Variants in ABCA9 observed in about 807,000 individuals in gnomAD.
ABCA9 encodes ATP binding cassette subfamily A member 9, also known as ATP-binding cassette sub-family A member 9.
Under a neutral mutation model 205.3 loss-of-function variants are expected in ABCA9, and 183 were observed. The ratio of observed to expected loss-of-function variants is 0.89; its 90% CI spans 0.79 to 1.01. The LOEUF (loss-of-function observed/expected upper bound fraction) is 1.01. Among genes scored for constraint, ABCA9 ranks in the 50% least tolerant of loss-of-function variants. The pLI is 0.00. For synonymous variants in ABCA9, 651 were observed against 683.3 expected (o/e 0.95, Z 0.74); for missense variants, 1,805 against 1,912.4 (o/e 0.94, Z 1.05).
chr17:69,046,943 A>C (rs1468184865), intron 3 of ABCA9, among the ~76,000 whole-genome samples: 1 of 145,618 alleles, frequency 6.9e-6, no homozygotes, highest in African/African-American at 2.5e-5. Context: ...AATTTTATAT[A>C]TATATATATA....
rs763043006 is a variant in ABCA9, at chr17:69,016,282, T to C, written c.3010A>G (p.Ile1004Val). Residue 1004 changes from isoleucine to valine, a missense_variant, in exon 22 of 39, where the codon ATT becomes GTT. Transcript: ENST00000340001. Reference sequence around the variant, plus strand: ...AAAAATGTGCTTCTGTCAGTCTGAATGTGTTCTGACGAATTAAAAATTCCA... The same window carrying C: ...AAAAATGTGCTTCTGTCAGTCTGAACGTGTTCTGACGAATTAAAAATTCCA... Reference protein sequence around the residue: ...LLGIFNSSEHIQTDRSTFFEE... With the variant: ...LLGIFNSSEHVQTDRSTFFEE... The C allele has an allele frequency of 1.9e-6, 3 of 1,594,776 alleles. No homozygotes were observed. The highest frequency in any genetic ancestry group is 3.6e-5 in the Admixed American group (2 of 55,726).
At chr17:69,054,733 C>A (rs938353171) in intron 1 of ABCA9, among the ~76,000 whole-genome samples, 1 of 151,514 alleles carries the variant, frequency 6.6e-6, no homozygotes, top group Non-Finnish European at 1.5e-5. Context: ...ATATGTATTA[C>A]ATTCATATAT....
At chr17:69,014,389 C>T (rs974864060) in intron 22 of ABCA9, among the ~76,000 whole-genome samples, 2 of 152,072 alleles carry the variant, frequency 1.3e-5, no homozygotes, top group African/African-American at 2.4e-5. Flanking sequence ...AGACTTGGGT[C>T]CCATCCCCAA....
At chr17:69,074,098 G>A in the ABCA9 span, among the ~76,000 whole-genome samples, 3 of 151,998 alleles carry the variant, frequency 2.0e-5, no homozygotes, top group Non-Finnish European at 4.4e-5. Flanking sequence ...TCAAATAGAT[G>A]TTTTTATAGA....
Position 68,977,003 on chromosome 17 carries a change from T to C in ABCA9, c.4721-813A>G, listed in dbSNP as rs76591826. On this transcript the variant is annotated intron_variant, in intron 37 of 38. Transcript: ENST00000340001. ...ATTTTCTTTCTTCTTTCCTTGGACA[T>C]AGGACTAGTCCCTATCTTATATCTG... Among the ~76,000 whole-genome samples, 1,153 of 151,632 alleles carry C rather than the reference T, an allele frequency of 7.6e-3. 18 individuals are homozygous for C. The highest frequency in any genetic ancestry group is 0.026 in the African/African-American group (1,080 of 41,522).
intron 6 of ABCA9, among the ~76,000 whole-genome samples, chr17:69,036,310 A>C (rs1674833577): frequency 6.6e-6 from 1 of 152,216 alleles, no homozygotes; most frequent in Admixed American, 6.5e-5. Context: ...GTTTCAATAA[A>C]ATGTATTTAT....
At chr17:69,028,499 G>C (rs1226276975) in intron 12 of ABCA9, 36 bp downstream of exon 12, 2 of 1,397,474 alleles carry the variant, frequency 1.4e-6, no homozygotes, top group Admixed American at 1.8e-5. Flanking sequence ...TAATGTGTTT[G>C]TCCAGGTACT....
At chr17:69,026,659 A>G (rs918978633) in intron 15 of ABCA9, among the ~76,000 whole-genome samples, 192 bp from the exon 16 acceptor site, 9 of 152,180 alleles carry the variant, frequency 5.9e-5, no homozygotes, top group Non-Finnish European at 7.4e-5. Flanking sequence ...ATGTCAACTT[A>G]TTCTTTAGCG....
At chr17:69,035,852 CT>C in intron 6 of ABCA9, 51 bp from the exon 7 acceptor site, 1 of 1,559,556 alleles carries the variant, frequency 6.4e-7, no homozygotes. Context: ...TCATCACTTC[CT>C]TGATTCATTT....
chr17:68,975,118 C>T lies in ABCA9; in HGVS notation c.*797G>A, dbSNP rs1288881005. ...AACATGCGGTGTTTGGTTTTCTGTT[C>T]CTGTGTTAGTTTGCTGAGGATGATG... is the stretch of plus-strand genomic sequence containing the variant. On this transcript the variant is annotated 3_prime_UTR_variant, in exon 39 of 39. Coordinates refer to ENST00000340001, the MANE Select transcript of ABCA9 (RefSeq NM_080283.4). 1 of 151,972 alleles carries T rather than the reference C, an allele frequency of 6.6e-6. No individual in the cohort carries two copies. Among genetic ancestry groups the T allele is most frequent in the African/African-American group, 2.4e-5 (1 of 41,338 alleles). 9.4% of individuals were successfully genotyped at this position (151,972 alleles called of 1,614,324 possible). A position where few individuals can be genotyped will look rare whatever the true frequency, so the allele number is the denominator to read the frequency against.
At chr17:68,976,910 A>G (rs1273554357) in intron 37 of ABCA9, among the ~76,000 whole-genome samples, 3 of 152,240 alleles carry the variant, frequency 2.0e-5, no homozygotes, top group Non-Finnish European at 2.9e-5. Context: ...AAGAAGAGGA[A>G]GATAATGAAT....
intron 27 of ABCA9, 114 bp downstream of exon 27, chr17:68,992,902 T>A: frequency 2.5e-6 from 2 of 787,338 alleles, no homozygotes; most frequent in African/African-American, 2.1e-5. Context: ...TGTGTGTTGC[T>A]TCAAATGCCT....
At chr17:69,073,861 T>G in the ABCA9 span, among the ~76,000 whole-genome samples, 1 of 152,004 alleles carries the variant, frequency 6.6e-6, no homozygotes, top group Non-Finnish European at 1.5e-5. Context: ...CCGGCTAACT[T>G]TTACTTTTTT....
chr17:68,980,574 G>T (rs1322136647), intron 37 of ABCA9, among the ~76,000 whole-genome samples: 3 of 151,986 alleles, frequency 2.0e-5, no homozygotes, highest in East Asian at 1.9e-4. Flanking sequence ...AGAAAATGTG[G>T]CACATATACA....
At chr17:69,076,287 T>A in the ABCA9 span, among the ~76,000 whole-genome samples, 1 of 152,196 alleles carries the variant, frequency 6.6e-6, no homozygotes, top group African/African-American at 2.4e-5. Context: ...CATATGGTTT[T>A]ATTTTTAATT....
At chr17:68,985,216 G>A in intron 32 of ABCA9, 88 bp from the exon 33 acceptor site, 1 of 1,567,198 alleles carries the variant, frequency 6.4e-7, no homozygotes, top group Non-Finnish European at 8.8e-7. Flanking sequence ...ACGACGGTGG[G>A]GGAGGTGTTT....
chr17:69,061,832 A>G (rs760469573), upstream of ABCA9, among the ~76,000 whole-genome samples: 1 of 152,204 alleles, frequency 6.6e-6, no homozygotes, highest in Non-Finnish European at 1.5e-5. Flanking sequence ...GCTGAAGAAG[A>G]GGGGGGAAAG....
upstream of ABCA9, among the ~76,000 whole-genome samples, chr17:69,063,491 A>AG (rs2072304624): frequency 6.6e-6 from 1 of 152,176 alleles, no homozygotes; most frequent in African/African-American, 2.4e-5. Flanking sequence ...CTTGTTTTCC[A>AG]GGGGCTTTTA....
At chr17:69,007,175 G>C (rs139913236) in intron 25 of ABCA9, among the ~76,000 whole-genome samples, 216 of 152,208 alleles carry the variant, frequency 1.4e-3, no homozygotes, top group African/African-American at 4.9e-3. Flanking sequence ...CAGCACTTTG[G>C]GTGGGTCATG....
Sources: gnomAD v4.1 joint callset for allele counts (sites outside exome capture counted in the v4.1 genomes callset) on GRCh38, gnomAD v4.1.1 for gene constraint, MANE v1.5 for transcripts, NCBI Gene and HGNC (gene_info 2026-07-23, HGNC 2026-07-21) for gene names.